Variants in PCDHA10 observed in about 807,000 individuals in gnomAD.
PCDHA10 encodes the protein protocadherin alpha-10.
PCDHA10 carries 45 observed loss-of-function variants against 61.2 expected under a neutral mutation model. The observed-to-expected ratio is 0.74, with a 90% CI of 0.58 to 0.94. The LOEUF is 0.94. PCDHA10 is among the 40% of genes least tolerant of loss of function. The probability of loss-of-function intolerance (pLI) is 0.00; values close to 1 mark genes in which losing one functional copy is unlikely to be tolerated. For synonymous variants in PCDHA10, 602 were observed against 548.8 expected (o/e 1.10, Z -1.35); for missense variants, 1,278 against 1,236.2 (o/e 1.03, Z -0.51).
chr5:140,968,058 G>A lies in PCDHA10; in HGVS notation c.2389-10891G>A, dbSNP rs532963970. On this transcript the variant is annotated intron_variant, in intron 1 of 3. Transcript: ENST00000307360. The stretch of plus-strand genomic sequence containing the variant: ...GTGAGCGGCCCACTGGACCGAGAGC[G>A]GGTGGCTGTCTACAACATCACGGTG... The A allele has an allele frequency of 1.1e-5, 18 of 1,614,088 alleles. No individual in the cohort carries two copies. The highest frequency in any genetic ancestry group is 4.0e-5 in the African/African-American group (3 of 75,026).
At chr5:140,861,589 T>C in intron 1 of PCDHA10, 2 of 373,158 alleles carry the variant, frequency 5.4e-6, no homozygotes, top group South Asian at 4.9e-5. Context: ...CATGTGGAGG[T>C]GAAAGTGAAG....
intron 1 of PCDHA10, among the ~76,000 whole-genome samples, chr5:140,910,545 A>T (rs551984797): frequency 1.3e-5 from 2 of 152,316 alleles, no homozygotes; most frequent in East Asian, 1.9e-4. Context: ...TCTATTTTGC[A>T]AAGTATTAGT....
chr5:140,876,297 A>G, intron 1 of PCDHA10: 1 of 1,614,092 alleles, frequency 6.2e-7, no homozygotes, highest in Non-Finnish European at 8.5e-7. Flanking sequence ...GACTTAATGG[A>G]GAAATTTCCT....
At chr5:140,883,945 C>T in intron 1 of PCDHA10, 1 of 1,613,378 alleles carries the variant, frequency 6.2e-7, no homozygotes, top group Non-Finnish European at 8.5e-7. Context: ...TGGACGAGAA[C>T]GACAACGCTC....
intron 1 of PCDHA10, among the ~76,000 whole-genome samples, chr5:140,892,032 T>C (rs1329804086): frequency 6.6e-6 from 1 of 152,222 alleles, no homozygotes; most frequent in African/African-American, 2.4e-5. Context: ...TCTAAGATAC[T>C]TTTATTTATT....
rs556593659 is a variant in PCDHA10, at chr5:140,966,652, G to A, written c.2389-12297G>A. ...CCCAGGCGCTTTCTAGAGCGTGAGC[G>A]GTGGGGGAGCAGGCGCAGGGTGGCA... On this transcript the variant is annotated intron_variant, in intron 1 of 3. Coordinates refer to ENST00000307360, the MANE Select transcript of PCDHA10 (RefSeq NM_018901.4). 1.0e-5 allele frequency: 12 copies of A among 1,169,200 alleles called. No homozygotes were observed. In the Admixed American group the frequency reaches 2.0e-4, roughly 19 times the overall value. The allele number at this position is 1,169,200 out of a possible 1,614,324, so 72.4% of individuals were successfully genotyped here.
intron 1 of PCDHA10, among the ~76,000 whole-genome samples, chr5:140,880,215 G>A (rs944497497): frequency 3.3e-5 from 5 of 152,162 alleles, no homozygotes; most frequent in Non-Finnish European, 5.9e-5. Context: ...TCCACCAGAA[G>A]TAGAACATTT....
At chr5:140,923,480 C>G (rs1554201462) in intron 1 of PCDHA10, among the ~76,000 whole-genome samples, 1 of 152,064 alleles carries the variant, frequency 6.6e-6, no homozygotes, top group African/African-American at 2.4e-5. Context: ...AGTGAGCCAT[C>G]TTCACACCAC....
At chr5:140,880,748 G>T (rs950550579) in intron 1 of PCDHA10, among the ~76,000 whole-genome samples, 10 of 152,220 alleles carry the variant, frequency 6.6e-5, no homozygotes, top group Non-Finnish European at 1.2e-4. Flanking sequence ...GATTGTCAGT[G>T]TAACTGCGTG....
intron 3 of PCDHA10, among the ~76,000 whole-genome samples, chr5:141,000,397 A>C (rs590627): frequency 0.074 from 4,330 of 58,694 alleles, 135 homozygotes; most frequent in Non-Finnish European, 0.096. Flanking sequence ...CTCTCTCTCT[A>C]TATATATATA....
chr5:140,884,454 A>G, intron 1 of PCDHA10: 2 of 1,613,688 alleles, frequency 1.2e-6, no homozygotes, highest in Non-Finnish European at 1.7e-6. Flanking sequence ...CCGCCCACCG[A>G]GGGCGCGTGC....
chr5:140,993,128 T>A (rs1250312762), intron 3 of PCDHA10, among the ~76,000 whole-genome samples: 2 of 152,234 alleles, frequency 1.3e-5, no homozygotes, highest in Non-Finnish European at 2.9e-5. Flanking sequence ...AATTTCCTTC[T>A]GTTGCAACAA....
chr5:140,915,164 G>A (rs782783727), intron 1 of PCDHA10, among the ~76,000 whole-genome samples: 27 of 152,144 alleles, frequency 1.8e-4, no homozygotes, highest in African/African-American at 5.3e-4. Flanking sequence ...GGCCAGGATA[G>A]TCTCGATCTC....
At position 140,858,279 on chromosome 5, in the gene PCDHA10, G is replaced by A; in HGVS notation, c.2231G>A (p.Gly744Glu). 2.5e-6 allele frequency: 4 copies of A among 1,597,396 alleles called. No homozygotes were observed. The highest frequency in any genetic ancestry group is 1.1e-5 in the South Asian group (1 of 90,486). Residue 744 changes from glycine (G) to glutamate (E), a missense_variant, in exon 1 of 4, where the codon GGG becomes GAG. Gly to Glu is a moderately conservative substitution (Grantham distance 98, BLOSUM62 -2). Coordinates refer to ENST00000307360, the MANE Select transcript of PCDHA10 (RefSeq NM_018901.4). ...ACGCTGGTGTGCTCTAGCGCGGTGG[G>A]GAGCTGGTCTTACTCGCAGCAGAGG... ...KPTLVCSSAV[G>E]SWSYSQQRRQ...
intron 1 of PCDHA10, among the ~76,000 whole-genome samples, chr5:140,896,285 G>T (rs1392495241): frequency 1.3e-5 from 2 of 152,202 alleles, no homozygotes; most frequent in African/African-American, 2.4e-5. Context: ...GGCTTGAATG[G>T]TAAGTTCTTT....
At position 140,883,814 on chromosome 5, in the gene PCDHA10, A is replaced by C. The variant is rs782678422; in HGVS notation, c.2388+25378A>C. 6.2e-7 allele frequency: 1 copy of C among 1,612,478 alleles called. No homozygotes were observed. ...CGTGTCGGTGCACGCGGAGAGCGGC[A>C]AGGTGTACGCGCTGCAGCCGTTGGA... On this transcript the variant is annotated intron_variant, in intron 1 of 3. Coordinates refer to ENST00000307360, the MANE Select transcript of PCDHA10 (RefSeq NM_018901.4).
intron 1 of PCDHA10, among the ~76,000 whole-genome samples, chr5:140,960,335 G>T (rs1362472967): frequency 1.3e-5 from 2 of 152,148 alleles, no homozygotes; most frequent in African/African-American, 4.8e-5. Context: ...AGAAGTACAT[G>T]AGGTGAGATA....
At chr5:140,962,747 G>A (rs1385433172) in intron 1 of PCDHA10, among the ~76,000 whole-genome samples, 1 of 152,142 alleles carries the variant, frequency 6.6e-6, no homozygotes, top group Non-Finnish European at 1.5e-5. Flanking sequence ...ATGAAGATCA[G>A]GAATCCTATT....
chr5:140,877,476 G>T (rs1554169787), intron 1 of PCDHA10: 2 of 1,613,870 alleles, frequency 1.2e-6, no homozygotes, highest in South Asian at 1.1e-5. Flanking sequence ...TGCTGGTGTC[G>T]CTGGTGGAGA....
Sources: gnomAD v4.1 joint callset for allele counts (sites outside exome capture counted in the v4.1 genomes callset) on GRCh38, gnomAD v4.1.1 for gene constraint, MANE v1.5 for transcripts, NCBI Gene and HGNC (gene_info 2026-07-23, HGNC 2026-07-21) for gene names.